The following DENND1B variants were observed in gnomAD, a reference collection of about 807,000 sequenced individuals.
The protein encoded by DENND1B is DENN domain-containing protein 1B.
DENND1B carries 59 observed loss-of-function variants against 90.1 expected under a neutral mutation model. The observed-to-expected ratio is 0.65, with a 90% confidence interval of 0.53 to 0.81. DENND1B has a LOEUF of 0.81. Among genes scored for constraint, DENND1B ranks in the 40% least tolerant of loss-of-function variants. The probability of loss-of-function intolerance (pLI) is 0.00; values close to 1 mark genes in which losing one functional copy is unlikely to be tolerated. For missense variants in DENND1B, 862 were observed against 912.6 expected, an observed-to-expected ratio of 0.94 and a Z score of 0.71; for synonymous variants, 337 against 324.6, an observed-to-expected ratio of 1.04 and a Z score of -0.41.
rs566326398 is a variant in DENND1B, at chr1:197,647,806, G to A, written c.448-692C>T. Reference sequence around the variant, plus strand: ...TCTACTAAAAATACAAAATTAGCCCGGTTTGGTGGTGGGCGCCTGTAATTC... The same window carrying A: ...TCTACTAAAAATACAAAATTAGCCCAGTTTGGTGGTGGGCGCCTGTAATTC... On this transcript the variant is annotated intron_variant, in intron 7 of 22. Coordinates refer to ENST00000620048, the MANE Select transcript of DENND1B (RefSeq NM_001195215.2). Among the ~76,000 whole-genome samples, 13 of 152,080 alleles carry A rather than the reference G, an allele frequency of 8.5e-5. No homozygotes were observed. The South Asian group carries it at 2.5e-3, about 29-fold the overall frequency.
At chr1:197,720,832 A>G (rs1416599125) in intron 2 of DENND1B, among the ~76,000 whole-genome samples, 1 of 152,206 alleles carries the variant, frequency 6.6e-6, no homozygotes, top group Admixed American at 6.5e-5. Context: ...GAAAATAAAA[A>G]CAAATTCATT....
At chr1:197,606,932 A>T (rs904100196) in intron 13 of DENND1B, 141 bp downstream of exon 13, 2 of 630,464 alleles carry the variant, frequency 3.2e-6, no homozygotes, top group Non-Finnish European at 5.6e-6. Flanking sequence ...TTAAATATAG[A>T]ATCAACATTG....
chr1:197,535,099 T>C (rs1040591656), intron 20 of DENND1B, among the ~76,000 whole-genome samples: 3 of 152,208 alleles, frequency 2.0e-5, no homozygotes, highest in African/African-American at 7.2e-5. Context: ...TGTGCAAATA[T>C]AGTACCCTAA....
At chr1:197,535,556 G>A (rs1432013633) in intron 20 of DENND1B, among the ~76,000 whole-genome samples, 1 of 152,134 alleles carries the variant, frequency 6.6e-6, no homozygotes, top group Non-Finnish European at 1.5e-5. Flanking sequence ...TTATTTCTGG[G>A]ATTTTTCATT....
At chr1:197,564,226 C>T (rs1029986834) in intron 15 of DENND1B, among the ~76,000 whole-genome samples, 1 of 151,466 alleles carries the variant, frequency 6.6e-6, no homozygotes, top group Non-Finnish European at 1.5e-5. Flanking sequence ...AAAATGCTAT[C>T]AAATAGCACC....
chr1:197,603,396 G>A (rs767636970), intron 13 of DENND1B, among the ~76,000 whole-genome samples: 1 of 151,126 alleles, frequency 6.6e-6, no homozygotes, highest in Admixed American at 6.6e-5. Context: ...TGAATCTATA[G>A]ATATACCATT....
At chr1:197,518,315 C>T (rs1037104511) in intron 20 of DENND1B, among the ~76,000 whole-genome samples, 2 of 151,798 alleles carry the variant, frequency 1.3e-5, no homozygotes, top group Admixed American at 6.6e-5. Context: ...GTATAACCAA[C>T]GCCTTATCTT....
chr1:197,604,134 C>A (rs1347240690), intron 13 of DENND1B, among the ~76,000 whole-genome samples: 4 of 150,984 alleles, frequency 2.6e-5, no homozygotes, highest in Non-Finnish European at 4.5e-5. Context: ...GGATCTACTG[C>A]CTTTAAAAGT....
chr1:197,577,095 A>C (rs1252293274), intron 15 of DENND1B, among the ~76,000 whole-genome samples: 3 of 152,288 alleles, frequency 2.0e-5, no homozygotes, highest in African/African-American at 7.2e-5. Flanking sequence ...GAAAAAAAGG[A>C]GTACAGACTT....
chr1:197,670,624 A>G (rs1361557657), intron 5 of DENND1B, among the ~76,000 whole-genome samples: 1 of 152,052 alleles, frequency 6.6e-6, no homozygotes, highest in Non-Finnish European at 1.5e-5. Flanking sequence ...TTTTTTAATG[A>G]AAAGTTTCAA....
At chr1:197,679,581 C>T (rs910513311) in intron 3 of DENND1B, among the ~76,000 whole-genome samples, 3 of 150,752 alleles carry the variant, frequency 2.0e-5, no homozygotes, top group African/African-American at 4.9e-5. Context: ...ATTATATATA[C>T]ACACATATAT....
At chr1:197,646,965 G>T in intron 8 of DENND1B, 90 bp downstream of exon 8, 1 of 916,270 alleles carries the variant, frequency 1.1e-6, no homozygotes, top group Non-Finnish European at 1.6e-6. Flanking sequence ...TTCCCAAAGG[G>T]CTGGAGTGAA....
chr1:197,593,845 G>C (rs1675450926), intron 14 of DENND1B, among the ~76,000 whole-genome samples: 1 of 152,048 alleles, frequency 6.6e-6, no homozygotes, highest in African/African-American at 2.4e-5. Flanking sequence ...TTCCCATACT[G>C]TAAACTTGAA....
intron 2 of DENND1B, chr1:197,734,728 T>C (rs766049291): frequency 4.4e-5 from 43 of 984,176 alleles, no homozygotes; most frequent in Admixed American, 1.2e-4. Context: ...AATTAAAGAA[T>C]ACATCATTTG....
At chr1:197,683,098 C>T (rs1014095052) in intron 3 of DENND1B, among the ~76,000 whole-genome samples, 2 of 152,036 alleles carry the variant, frequency 1.3e-5, no homozygotes, top group African/African-American at 4.8e-5. Flanking sequence ...CAGGAAGCAG[C>T]AGGAGGGGAC....
intron 15 of DENND1B, among the ~76,000 whole-genome samples, chr1:197,572,351 G>A (rs894708654): frequency 1.3e-5 from 2 of 152,188 alleles, no homozygotes; most frequent in East Asian, 3.9e-4. Flanking sequence ...TGAGGCAGCA[G>A]CCTGGTGAGG....
chr1:197,702,446 T>C (rs1232446717), intron 3 of DENND1B, among the ~76,000 whole-genome samples: 1 of 152,220 alleles, frequency 6.6e-6, no homozygotes. Flanking sequence ...TAACCAAACT[T>C]AATCACTATT....
intron 2 of DENND1B, among the ~76,000 whole-genome samples, chr1:197,771,308 A>T (rs1179270394): frequency 6.6e-6 from 1 of 152,224 alleles, no homozygotes; most frequent in African/African-American, 2.4e-5. Flanking sequence ...CCACTATAGA[A>T]TAGAATTAAA....
At chr1:197,600,888 A>G (rs6428412) in intron 13 of DENND1B, among the ~76,000 whole-genome samples, 121,338 of 151,564 alleles carry the variant, frequency 0.8, 48,701 homozygotes, top group East Asian at 0.87. Context: ...CAGGCTTGCA[A>G]CCTTTACTAT....
Sources: gnomAD v4.1 joint callset for allele counts (sites outside exome capture counted in the v4.1 genomes callset) on GRCh38, gnomAD v4.1.1 for gene constraint, MANE v1.5 for transcripts, NCBI Gene and HGNC (gene_info 2026-07-23, HGNC 2026-07-21) for gene names.